SIK3: variants seen among roughly 807,000 people sequenced by gnomAD.
The protein encoded by SIK3 is serine/threonine-protein kinase SIK3.
Under a neutral mutation model 144.2 loss-of-function variants are expected in SIK3, and 28 were observed. The ratio of observed to expected loss-of-function variants is 0.19; its 90% CI spans 0.14 to 0.27. The LOEUF (loss-of-function observed/expected upper bound fraction) is 0.27, where lower values mean the gene tolerates loss of function less well. SIK3 is among the 10% of genes least tolerant of loss of function. The pLI is 1.00. For missense variants in SIK3, 1,319 were observed against 1,776.0 expected (o/e 0.74, Z 4.62); for synonymous variants, 686 against 676.3 (o/e 1.01, Z -0.22).
chr11:116,882,311 T>C (rs1308487971), intron 6 of SIK3, among the ~76,000 whole-genome samples: 2 of 152,182 alleles, frequency 1.3e-5, no homozygotes, highest in Admixed American at 6.5e-5. Flanking sequence ...AGCAAACTTA[T>C]TTATATACTC....
chr11:116,878,371 C>T (rs1944368084), intron 6 of SIK3, among the ~76,000 whole-genome samples: 1 of 149,046 alleles, frequency 6.7e-6, no homozygotes, highest in South Asian at 2.1e-4. Flanking sequence ...GCTCCTACTT[C>T]TCTCTCTCCC....
At chr11:116,991,493 T>C (rs1417808068) in intron 1 of SIK3, among the ~76,000 whole-genome samples, 2 of 152,082 alleles carry the variant, frequency 1.3e-5, no homozygotes, top group African/African-American at 2.4e-5. Flanking sequence ...TTTCTAAAAA[T>C]TGAGGGAAGG....
intron 6 of SIK3, among the ~76,000 whole-genome samples, chr11:116,891,303 C>G (rs140201930): frequency 6.6e-6 from 1 of 152,010 alleles, no homozygotes. Context: ...GGTGACAGAG[C>G]GAGACTCCGT....
rs188083326 is a variant in SIK3, at chr11:116,911,274, G to A, written c.617-13957C>T. Among the ~76,000 whole-genome samples the A allele has an allele frequency of 2.5e-3, 375 of 152,322 alleles. 2 individuals are homozygous for A. Among genetic ancestry groups the A allele is most frequent in the African/African-American group, 8.7e-3 (361 of 41,566 alleles). The stretch of plus-strand genomic sequence containing the variant: ...TGTAATCCCAGCACTTTGGGAGGCC[G>A]AGGCAGGTGGATCACCTGAGGTCAG... On this transcript the variant is annotated intron_variant, in intron 4 of 24. Transcript: ENST00000445177.
At chr11:116,883,223 ATGTT>A (rs1291900864) in intron 6 of SIK3, among the ~76,000 whole-genome samples, 12 of 152,232 alleles carry the variant, frequency 7.9e-5, no homozygotes, top group Admixed American at 6.5e-4. Flanking sequence ...GATTTAAAAA[ATGTT>A]TGTCTCAGAG....
intron 3 of SIK3, among the ~76,000 whole-genome samples, chr11:116,934,946 G>A (rs922493343): frequency 2.0e-5 from 3 of 152,208 alleles, no homozygotes; most frequent in Non-Finnish European, 4.4e-5. Context: ...TTAGCCGGGT[G>A]TGGTGGCGCA....
At chr11:116,955,607 C>A (rs1044519114) in intron 2 of SIK3, among the ~76,000 whole-genome samples, 1 of 152,054 alleles carries the variant, frequency 6.6e-6, no homozygotes, top group African/African-American at 2.4e-5. Flanking sequence ...TCAGCCTAAG[C>A]CCCACAATTA....
intron 1 of SIK3, among the ~76,000 whole-genome samples, chr11:116,976,565 G>T (rs1949954123): frequency 6.6e-6 from 1 of 152,132 alleles, no homozygotes. Flanking sequence ...CTGAATTCTT[G>T]AATCTATCCC....
chr11:117,023,087 G>T (rs956593831), intron 1 of SIK3, among the ~76,000 whole-genome samples: 12 of 152,098 alleles, frequency 7.9e-5, no homozygotes, highest in African/African-American at 2.9e-4. Flanking sequence ...AACTAGTGTG[G>T]GCTAAACAAT....
intron 6 of SIK3, 64 bp downstream of exon 6, chr11:116,896,189 G>A (rs1276292353): frequency 6.3e-7 from 1 of 1,590,340 alleles, no homozygotes. Flanking sequence ...TAAATTCCTG[G>A]GATAACTGAG....
At chr11:117,066,478 G>A (rs911219008) in intron 1 of SIK3, among the ~76,000 whole-genome samples, 3 of 149,938 alleles carry the variant, frequency 2.0e-5, no homozygotes, top group African/African-American at 7.3e-5. Context: ...TATAACACAG[G>A]ACTTGTATCC....
intron 1 of SIK3, among the ~76,000 whole-genome samples, chr11:116,987,414 A>G (rs186501184): frequency 7.2e-5 from 11 of 152,266 alleles, no homozygotes; most frequent in Admixed American, 2.6e-4. Flanking sequence ...TGAGTACAAC[A>G]TCTACCTCCT....
intron 1 of SIK3, among the ~76,000 whole-genome samples, chr11:117,055,439 G>C (rs1414087853): frequency 6.6e-6 from 1 of 152,150 alleles, no homozygotes; most frequent in African/African-American, 2.4e-5. Flanking sequence ...CAGAAACATA[G>C]AGACAAAGTA....
At chr11:116,906,286 T>C (rs1299832018) in intron 4 of SIK3, among the ~76,000 whole-genome samples, 1 of 151,946 alleles carries the variant, frequency 6.6e-6, no homozygotes, top group South Asian at 2.1e-4. Context: ...AAGTAGAGAA[T>C]ATGGCCCTGA....
rs184642028 is a variant in SIK3 at position 116,874,045 on chromosome 11, A to G, written c.1439T>C (p.Met480Thr). The G allele has an allele frequency of 9.4e-5, 151 of 1,613,886 alleles. No homozygotes were observed. The highest frequency in any genetic ancestry group is 3.3e-4 in the Admixed American group (20 of 59,904). Residue 480 changes from methionine (M) to threonine (T), a missense_variant, in exon 12 of 25, where the codon ATG becomes ACG. By Grantham distance (81) the Met-to-Thr change is moderately conservative (BLOSUM62 -1). Around this residue, in one of 8 missense-constraint regions of SIK3, gnomAD observed 167 missense variants for 263.3 expected, o/e 0.63. Coordinates refer to ENST00000445177, the MANE Select transcript of SIK3 (RefSeq NM_001366686.3). ...AGGTAGGAGCTTCTGCAGATCTTCCATAACTTCCGTGCTGATACAAAACAG... is the reference window on the plus strand; with the variant it reads ...AGGTAGGAGCTTCTGCAGATCTTCCGTAACTTCCGTGCTGATACAAAACAG... ...VGVADPRTEV[M>T]EDLQKLLPGF... is the part of the protein sequence containing the mutation.
chr11:116,998,639 T>C (rs1950750868), intron 1 of SIK3, among the ~76,000 whole-genome samples: 1 of 151,946 alleles, frequency 6.6e-6, no homozygotes, highest in Non-Finnish European at 1.5e-5. Context: ...AGAAAAAAAA[T>C]GGCAGGACAA....
At chr11:116,853,687 G>A (rs1229764338) in intron 21 of SIK3, among the ~76,000 whole-genome samples, 11 of 152,214 alleles carry the variant, frequency 7.2e-5, no homozygotes, top group Non-Finnish European at 1.5e-5. Context: ...ACTGCTCTAT[G>A]AGGCCTGAGT....
At chr11:117,020,246 T>TATATATATATATATATATATATAC in intron 1 of SIK3, among the ~76,000 whole-genome samples, 3 of 127,234 alleles carry the variant, frequency 2.4e-5, no homozygotes, top group African/African-American at 1.0e-4. Context: ...CATATATATA[T>TATATATATATATATATATATATAC]ACACATACAT....
intron 3 of SIK3, among the ~76,000 whole-genome samples, chr11:116,942,927 C>CG (rs35197032): frequency 3.3e-5 from 5 of 152,096 alleles, no homozygotes; most frequent in African/African-American, 7.2e-5. Context: ...TAGCTATAAT[C>CG]GGGGGGGAAG....
Sources: allele counts gnomAD v4.1 joint callset (sites outside exome capture counted in the v4.1 genomes callset), GRCh38; gene constraint gnomAD v4.1.1; regional missense constraint gnomAD v4.1.1; transcripts MANE v1.5; gene names NCBI Gene and HGNC (gene_info 2026-07-23, HGNC 2026-07-21).